The following FOXP2 variants were observed in gnomAD, a reference collection of about 807,000 sequenced individuals.
The protein encoded by FOXP2 is forkhead box protein P2.
FOXP2 carries 12 observed loss-of-function variants against 115.8 expected under a neutral mutation model. The observed-to-expected ratio is 0.10, with a 90% CI of 0.07 to 0.17. The LOEUF (loss-of-function observed/expected upper bound fraction) is 0.17. FOXP2 is among the 10% of genes least tolerant of loss of function. The probability of loss-of-function intolerance (pLI) is 1.00; values close to 1 mark genes in which losing one functional copy is unlikely to be tolerated. For synonymous variants in FOXP2, 328 were observed against 297.7 expected, an observed-to-expected ratio of 1.10 and a Z score of -1.05; for missense variants, 629 against 843.5, an observed-to-expected ratio of 0.75 and a Z score of 3.15.
chr7:114,549,374 A>G (rs1800090612), intron 3 of FOXP2, among the ~76,000 whole-genome samples: 1 of 152,176 alleles, frequency 6.6e-6, no homozygotes, highest in Admixed American at 6.5e-5. Flanking sequence ...TATATTTGAA[A>G]TAAATGAATC....
In FOXP2 at chr7:114,125,801, G is replaced by A. The variant is rs1378816990; in HGVS notation, c.-246-37143G>A. Reference sequence around the variant, plus strand: ...GGATTCCCTCTCTCAGTTTCAGATTGATAATGTACCAATTTGTGCACATGC... The same window carrying A: ...GGATTCCCTCTCTCAGTTTCAGATTAATAATGTACCAATTTGTGCACATGC... On this transcript the variant is annotated intron_variant, in intron 1 of 19. Coordinates refer to the FOXP2 transcript ENST00000635638. 3.3e-5 allele frequency among the ~76,000 whole-genome samples: 5 copies of A among 152,096 alleles called. No homozygotes were observed. In the East Asian group the frequency reaches 9.7e-4, roughly 29 times the overall value.
At chr7:114,282,886 A>G (rs1290957731) in intron 1 of FOXP2, among the ~76,000 whole-genome samples, 1 of 152,200 alleles carries the variant, frequency 6.6e-6, no homozygotes, top group Non-Finnish European at 1.5e-5. Flanking sequence ...CTAATACAAA[A>G]AAGAAAATGT....
chr7:114,126,181 CT>C (rs1791703114), intron 1 of FOXP2, among the ~76,000 whole-genome samples: 1 of 150,136 alleles, frequency 6.7e-6, no homozygotes, highest in Non-Finnish European at 1.5e-5. Flanking sequence ...ATATTCTATT[CT>C]AATTTGGGCT....
chr7:114,633,089 G>A (rs1805008635), intron 6 of FOXP2, among the ~76,000 whole-genome samples: 1 of 151,900 alleles, frequency 6.6e-6, no homozygotes, highest in Non-Finnish European at 1.5e-5. Context: ...CTGTATTTAG[G>A]ATATAATTAT....
chr7:114,132,999 G>A (rs1791932185), intron 1 of FOXP2, among the ~76,000 whole-genome samples: 1 of 152,166 alleles, frequency 6.6e-6, no homozygotes. Context: ...GATGAAGGCA[G>A]GGAAGGAAAC....
chr7:114,108,936 A>T (rs191887284), intron 1 of FOXP2, among the ~76,000 whole-genome samples: 52 of 152,096 alleles, frequency 3.4e-4, no homozygotes, highest in African/African-American at 1.2e-3. Flanking sequence ...GCGGAAAAAA[A>T]TAGGCCTTCA....
At chr7:114,184,830 A>G (rs1386720457) in intron 1 of FOXP2, among the ~76,000 whole-genome samples, 5 of 152,216 alleles carry the variant, frequency 3.3e-5, no homozygotes, top group Non-Finnish European at 7.4e-5. Context: ...ATATAATTTC[A>G]TAAGTAGATG....
intron 3 of FOXP2, among the ~76,000 whole-genome samples, chr7:114,559,480 G>C (rs1240499349): frequency 1.3e-5 from 2 of 152,140 alleles, no homozygotes; most frequent in Non-Finnish European, 2.9e-5. Flanking sequence ...AGCTATGATA[G>C]CAGCTTTTTG....
At chr7:114,219,844 G>GTT (rs111558475) in intron 1 of FOXP2, among the ~76,000 whole-genome samples, 2 of 146,906 alleles carry the variant, frequency 1.4e-5, no homozygotes, top group South Asian at 2.1e-4. Context: ...TTCTGTGAGG[G>GTT]TTTTTTTTTT....
At chr7:114,212,957 T>C (rs555474577) in intron 1 of FOXP2, among the ~76,000 whole-genome samples, 31 of 152,256 alleles carry the variant, frequency 2.0e-4, no homozygotes, top group Non-Finnish European at 3.8e-4. Context: ...CTTTAAGTGC[T>C]GAAGCAGTGT....
At chr7:114,263,998 A>G (rs1217694019) in intron 1 of FOXP2, among the ~76,000 whole-genome samples, 1 of 152,030 alleles carries the variant, frequency 6.6e-6, no homozygotes, top group Non-Finnish European at 1.5e-5. Context: ...GATGTATTCT[A>G]GCTTTGCCTG....
chr7:114,540,631 TA>T (rs1562986345), intron 3 of FOXP2, among the ~76,000 whole-genome samples: 1 of 151,984 alleles, frequency 6.6e-6, no homozygotes, highest in South Asian at 2.1e-4. Flanking sequence ...AATAAGCATT[TA>T]AAAAAGAAAA....
intron 2 of FOXP2, among the ~76,000 whole-genome samples, chr7:114,353,604 C>T (rs2129186268): frequency 6.6e-6 from 1 of 152,230 alleles, no homozygotes; most frequent in Non-Finnish European, 1.5e-5. Flanking sequence ...AACTTTGACA[C>T]TTTCTCTAAT....
intron 1 of FOXP2, among the ~76,000 whole-genome samples, chr7:114,281,186 C>A (rs116168941): frequency 6.8e-6 from 1 of 146,236 alleles, no homozygotes; most frequent in Non-Finnish European, 1.5e-5. Context: ...ACTGCAACCT[C>A]CCCCTCCCGG....
chr7:114,584,816 A>C (rs1584924323), intron 3 of FOXP2, among the ~76,000 whole-genome samples: 1 of 152,250 alleles, frequency 6.6e-6, no homozygotes, highest in East Asian at 1.9e-4. Flanking sequence ...TATGGATTGG[A>C]AAGTTCCTCC....
At chr7:114,100,557 C>T (rs1217097392) in intron 1 of FOXP2, among the ~76,000 whole-genome samples, 1 of 151,936 alleles carries the variant, frequency 6.6e-6, no homozygotes, top group Non-Finnish European at 1.5e-5. Flanking sequence ...TTCAGTTATC[C>T]AGCATGTAAA....
intron 3 of FOXP2, among the ~76,000 whole-genome samples, chr7:114,615,064 C>A (rs1027451534): frequency 3.9e-5 from 6 of 151,968 alleles, no homozygotes; most frequent in Non-Finnish European, 7.4e-5. Context: ...ACCAAAAATG[C>A]AAAAATTAGC....
chr7:114,204,343 A>G (rs1794147676), intron 1 of FOXP2, among the ~76,000 whole-genome samples: 1 of 152,160 alleles, frequency 6.6e-6, no homozygotes, highest in African/African-American at 2.4e-5. Flanking sequence ...TTGTAGCTCA[A>G]CTCAGTTTAG....
chr7:114,385,999 T>C (rs992350282), intron 2 of FOXP2, among the ~76,000 whole-genome samples: 2 of 152,228 alleles, frequency 1.3e-5, no homozygotes, highest in African/African-American at 4.8e-5. Context: ...CAGTGACTAG[T>C]GTTCAGCTCG....
Sources: gnomAD v4.1 joint callset for allele counts (sites outside exome capture counted in the v4.1 genomes callset) on GRCh38, gnomAD v4.1.1 for gene constraint, MANE v1.5 for transcripts, NCBI Gene and HGNC (gene_info 2026-07-23, HGNC 2026-07-21) for gene names.